Variants in SPG21 observed in about 807,000 individuals in gnomAD.
SPG21 encodes SPG21 abhydrolase domain containing, maspardin, also known as maspardin.
SPG21 carries 26 observed loss-of-function variants against 38.9 expected under a neutral mutation model. The observed-to-expected ratio is 0.67, with a 90% CI of 0.49 to 0.93. The LOEUF (loss-of-function observed/expected upper bound fraction) is 0.93, where lower values mean the gene tolerates loss of function less well. Among genes scored for constraint, SPG21 ranks in the 40% least tolerant of loss-of-function variants. The pLI is 0.00. For missense variants in SPG21, 333 were observed against 376.5 expected (o/e 0.88, Z 0.96); for synonymous variants, 136 against 128.9 (o/e 1.05, Z -0.37).
intron 5 of SPG21, 93 bp downstream of exon 5, chr15:64,974,509 G>T: frequency 6.9e-7 from 1 of 1,444,318 alleles, no homozygotes; most frequent in Non-Finnish European, 9.6e-7. Flanking sequence ...GAATATAGAA[G>T]TAGATATAAG....
intron 1 of SPG21, among the ~76,000 whole-genome samples, chr15:64,986,516 T>C (rs1265483135): frequency 6.6e-6 from 1 of 151,610 alleles, no homozygotes; most frequent in East Asian, 1.9e-4. Context: ...CGAAACCCCA[T>C]CTCTACTAAA....
chr15:64,985,643 G>A (rs973503922), intron 1 of SPG21, among the ~76,000 whole-genome samples: 2 of 152,186 alleles, frequency 1.3e-5, no homozygotes, highest in African/African-American at 4.8e-5. Context: ...CTAACACGAG[G>A]TGAGATTCGT....
chr15:64,978,014 G>C (rs1443058451), intron 3 of SPG21, among the ~76,000 whole-genome samples: 3 of 151,652 alleles, frequency 2.0e-5, no homozygotes, highest in Non-Finnish European at 2.9e-5. Context: ...TGTATTTTTA[G>C]TAGAGACGGG....
At position 64,965,469 on chromosome 15, in the gene SPG21, A is replaced by G; in HGVS notation, c.670-9T>C. 6.2e-7 allele frequency: 1 copy of G among 1,614,188 alleles called. No individual in the cohort carries two copies. Among genetic ancestry groups the G allele is most frequent in the Non-Finnish European group, 8.5e-7 (1 of 1,180,034 alleles). ...GCACTCTGATCAAACACCTTTAAAA[A>G]ACACAAAGCTTCAGCACCATAGGAA... is the stretch of plus-strand genomic sequence containing the variant. On this transcript the variant is annotated splice_polypyrimidine_tract_variant and intron_variant, in intron 7 of 8. Coordinates refer to ENST00000204566, the MANE Select transcript of SPG21 (RefSeq NM_016630.7).
intron 1 of SPG21, among the ~76,000 whole-genome samples, chr15:64,986,791 T>C (rs1382370193): frequency 6.6e-6 from 1 of 152,206 alleles, no homozygotes; most frequent in African/African-American, 2.4e-5. Context: ...TAACTTTTAA[T>C]TGAAAGCAAC....
At chr15:64,983,785 C>CTT (rs764804415) in intron 1 of SPG21, among the ~76,000 whole-genome samples, 192 bp from the exon 2 acceptor site, 7 of 140,150 alleles carry the variant, frequency 5.0e-5, no homozygotes, top group Admixed American at 1.4e-4. Context: ...CAGAAGCACT[C>CTT]TTTTTTTTTT....
intron 1 of SPG21, among the ~76,000 whole-genome samples, chr15:64,985,038 C>T (rs1017311039): frequency 5.3e-5 from 8 of 152,112 alleles, no homozygotes; most frequent in South Asian, 2.1e-4. Flanking sequence ...CATGAGCCAC[C>T]GTGCCCCGCC....
At chr15:64,981,160 A>G in intron 2 of SPG21, 135 bp from the exon 3 acceptor site, 1 of 975,482 alleles carries the variant, frequency 1.0e-6, no homozygotes. Context: ...CTCACACCAG[A>G]TTAGCATGCA....
At chr15:64,981,213 G>A (rs376538241) in intron 2 of SPG21, 188 bp from the exon 3 acceptor site, 78 of 632,710 alleles carry the variant, frequency 1.2e-4, no homozygotes, top group East Asian at 6.5e-4. Context: ...CAGGGCTAAC[G>A]TATTCCACAG....
chr15:64,970,300 T>C, intron 5 of SPG21, 78 bp from the exon 6 acceptor site: 1 of 1,242,670 alleles, frequency 8.0e-7, no homozygotes, highest in Non-Finnish European at 1.2e-6. Flanking sequence ...TAAAGCTTTG[T>C]ATTAGCTTGG....
chr15:64,977,106 C>T (rs535546770), intron 3 of SPG21, among the ~76,000 whole-genome samples: 1 of 152,276 alleles, frequency 6.6e-6, no homozygotes, highest in Non-Finnish European at 1.5e-5. Context: ...TCCTCTGTTG[C>T]CCAGGCTGGA....
rs2085878943 is a variant in SPG21, at chr15:64,981,218, C to G, written c.64-193G>C. The G allele has an allele frequency of 4.8e-6, 3 of 627,536 alleles. No individual in the cohort carries two copies. In the African/African-American group the frequency reaches 5.5e-5, roughly 12 times the overall value. 38.9% of individuals were successfully genotyped at this position (627,536 alleles called of 1,614,324 possible). ...TTTCTTTCCTCAGGGCTAACGTATT[C>G]CACAGAACTACTTAGAACTACTTTA... On this transcript the variant is annotated intron_variant, in intron 2 of 8. Coordinates refer to ENST00000204566, the MANE Select transcript of SPG21 (RefSeq NM_016630.7).
At chr15:64,972,615 G>A (rs772780588) in intron 5 of SPG21, among the ~76,000 whole-genome samples, 104 of 152,236 alleles carry the variant, frequency 6.8e-4, no homozygotes, top group Non-Finnish European at 1.1e-3. Context: ...GGCGGATCAC[G>A]AGGTCAGGAG....
chr15:64,970,761 C>A (rs2085645515), intron 5 of SPG21, among the ~76,000 whole-genome samples: 1 of 152,074 alleles, frequency 6.6e-6, no homozygotes, highest in South Asian at 2.1e-4. Flanking sequence ...TTTTTTGAGA[C>A]AGAGTCTCAG....
chr15:64,980,598 C>T (rs1479000980), intron 3 of SPG21, among the ~76,000 whole-genome samples: 3 of 151,870 alleles, frequency 2.0e-5, no homozygotes, highest in Admixed American at 6.6e-5. Flanking sequence ...ATTAGCTGGG[C>T]GTAGTGGCGG....
At chr15:64,988,981 CAA>C (rs148681989) in intron 1 of SPG21, 37,446 of 91,508 alleles carry the variant, frequency 0.41, 4,423 homozygotes, top group South Asian at 0.55. Context: ...GACTCCGTCT[CAA>C]AAAAAAAAAA....
At chr15:64,970,765 G>A (rs1454913059) in intron 5 of SPG21, among the ~76,000 whole-genome samples, 1 of 152,088 alleles carries the variant, frequency 6.6e-6, no homozygotes, top group African/African-American at 2.4e-5. Context: ...TTGAGACAGA[G>A]TCTCAGTCAG....
At chr15:64,985,634 T>A (rs1353260586) in intron 1 of SPG21, among the ~76,000 whole-genome samples, 2 of 152,202 alleles carry the variant, frequency 1.3e-5, no homozygotes, top group African/African-American at 4.8e-5. Flanking sequence ...CTAGCACGGC[T>A]AACACGAGGT....
chr15:64,983,280 A>ATAAG (rs1250347152), intron 2 of SPG21: 1 of 245,670 alleles, frequency 4.1e-6, no homozygotes, highest in Non-Finnish European at 8.0e-6. Flanking sequence ...ATATAAATAA[A>ATAAG]TAAATAAATA....
Sources: gnomAD v4.1 joint callset for allele counts (sites outside exome capture counted in the v4.1 genomes callset) on GRCh38, gnomAD v4.1.1 for gene constraint, MANE v1.5 for transcripts, NCBI Gene and HGNC (gene_info 2026-07-23, HGNC 2026-07-21) for gene names.